The following CALN1 variants were observed in gnomAD, a reference collection of about 807,000 sequenced individuals.
CALN1 encodes the protein calneuron 1.
CALN1 carries 17 observed loss-of-function variants against 30.6 expected under a neutral mutation model. That is an observed-to-expected ratio of 0.56 (90% confidence interval 0.38 to 0.83). The LOEUF is 0.83. Ranked by LOEUF, CALN1 falls within the 40% of genes least tolerant of loss-of-function variation. CALN1 has a pLI of 0.00. For missense variants in CALN1, 291 were observed against 354.9 expected, an observed-to-expected ratio of 0.82 and a Z score of 1.45; for synonymous variants, 156 against 131.4, an observed-to-expected ratio of 1.19 and a Z score of -1.28.
At position 71,784,757 on chromosome 7, in the gene CALN1, T is replaced by C. The variant is rs1481328939; in HGVS notation, c.*3018A>G. On this transcript the variant is annotated 3_prime_UTR_variant, in exon 7 of 7. Transcript: ENST00000395275. ...TGGTTCCTAAGTCCGGAGGACAGAA[T>C]GAGGGGTGAGCTATTCCCTCTCAAT... is the stretch of plus-strand genomic sequence containing the variant. 2 of 398,584 alleles carry C rather than the reference T, an allele frequency of 5.0e-6. No homozygotes were observed. The highest frequency in any genetic ancestry group is 4.1e-5 in the African/African-American group (2 of 48,714). 24.7% of individuals were successfully genotyped at this position (398,584 alleles called of 1,614,324 possible). A position where few individuals can be genotyped will look rare whatever the true frequency, so the allele number is the denominator to read the frequency against.
chr7:72,211,835 T>G (rs1792419075), intron 3 of CALN1, among the ~76,000 whole-genome samples: 1 of 152,138 alleles, frequency 6.6e-6, no homozygotes, highest in Non-Finnish European at 1.5e-5. Flanking sequence ...AGCCAGTTTC[T>G]ACATCTCTCA....
chr7:72,389,876 G>A (rs956722871), intron 2 of CALN1, among the ~76,000 whole-genome samples: 1 of 150,620 alleles, frequency 6.6e-6, no homozygotes, highest in Admixed American at 6.6e-5. Context: ...CCAAGATCAC[G>A]CCATTGCAGC....
In CALN1 at chr7:72,401,834, G is replaced by C. The variant is rs371862958; in HGVS notation, c.119+1417C>G. ...CTTTCCTCCGTCACACCAGCTTTCT[G>C]TAAGGCAGCCCTCCTAGGACTTACC... On this transcript the variant is annotated intron_variant, in intron 2 of 6. Coordinates refer to ENST00000395275, the MANE Select transcript of CALN1 (RefSeq NM_031468.4). Among the ~76,000 whole-genome samples, 9 of 152,330 alleles carry C rather than the reference G, an allele frequency of 5.9e-5. No homozygotes were observed. In the East Asian group the frequency reaches 7.7e-4, roughly 13 times the overall value.
At chr7:72,399,166 G>A (rs1457968019) in intron 2 of CALN1, among the ~76,000 whole-genome samples, 2 of 152,114 alleles carry the variant, frequency 1.3e-5, no homozygotes, top group South Asian at 4.2e-4. Context: ...CTGCAGTAAC[G>A]TAGGCTGACA....
At chr7:72,138,686 A>C (rs1392402156) in intron 3 of CALN1, among the ~76,000 whole-genome samples, 2 of 152,232 alleles carry the variant, frequency 1.3e-5, no homozygotes, top group African/African-American at 4.8e-5. Flanking sequence ...TACGGGAAGA[A>C]AAGCCATTTC....
chr7:72,137,346 T>C (rs1350166454), intron 3 of CALN1, among the ~76,000 whole-genome samples: 1 of 152,152 alleles, frequency 6.6e-6, no homozygotes, highest in Admixed American at 6.6e-5. Flanking sequence ...TTGTTCAAGA[T>C]GGCGATGCTC....
chr7:71,898,175 C>T (rs1793654987), intron 5 of CALN1, among the ~76,000 whole-genome samples: 1 of 151,676 alleles, frequency 6.6e-6, no homozygotes, highest in Admixed American at 6.6e-5. Context: ...ACTAAAAATA[C>T]AAAAATTAGC....
At chr7:72,477,349 C>A in the CALN1 span, among the ~76,000 whole-genome samples, 2 of 152,206 alleles carry the variant, frequency 1.3e-5, no homozygotes, top group Non-Finnish European at 2.9e-5. Context: ...GCATGTGAGG[C>A]CCCAGTACAC....
At chr7:72,182,134 G>T (rs1264325660) in intron 3 of CALN1, among the ~76,000 whole-genome samples, 1 of 152,170 alleles carries the variant, frequency 6.6e-6, no homozygotes, top group Non-Finnish European at 1.5e-5. Flanking sequence ...GAGATTCAAG[G>T]TGAGCCCTAG....
At chr7:71,896,760 A>G (rs1793554203) in intron 5 of CALN1, among the ~76,000 whole-genome samples, 1 of 152,154 alleles carries the variant, frequency 6.6e-6, no homozygotes, top group Admixed American at 6.5e-5. Flanking sequence ...TGAGGCAGCC[A>G]GAGAGCTCTT....
chr7:71,938,515 G>C (rs2129521837), intron 5 of CALN1, among the ~76,000 whole-genome samples: 1 of 152,178 alleles, frequency 6.6e-6, no homozygotes, highest in Non-Finnish European at 1.5e-5. Flanking sequence ...ACGTACACAG[G>C]GCCGGGCACG....
In CALN1 at chr7:72,307,421, G is replaced by A. The variant is rs1049917736; in HGVS notation, c.120-28611C>T. On this transcript the variant is annotated intron_variant, in intron 2 of 6. Coordinates refer to ENST00000395275, the MANE Select transcript of CALN1 (RefSeq NM_031468.4). ...TAAAACTGAGGGCACACCCTACGAA[G>A]GCTGAAGCCCGTCTGGCCGCAAGAG... Among the ~76,000 whole-genome samples the A allele has an allele frequency of 7.2e-5, 11 of 152,260 alleles. No individual in the cohort carries two copies. The East Asian group carries it at 1.9e-3, about 27-fold the overall frequency.
chr7:72,227,048 GA>G (rs1196069341), intron 3 of CALN1, among the ~76,000 whole-genome samples: 1 of 151,328 alleles, frequency 6.6e-6, no homozygotes, highest in Non-Finnish European at 1.5e-5. Flanking sequence ...AAACAAGACA[GA>G]AAAGTAAAGA....
rs1794838017 is a variant in CALN1 at position 71,919,623 on chromosome 7, C to T, written c.501+104034G>A. Among the ~76,000 whole-genome samples, 6 of 152,244 alleles carry T rather than the reference C, an allele frequency of 3.9e-5. No homozygotes were observed. In the South Asian group the frequency reaches 1.2e-3, roughly 32 times the overall value. On this transcript the variant is annotated intron_variant, in intron 5 of 6. Coordinates refer to ENST00000395275, the MANE Select transcript of CALN1 (RefSeq NM_031468.4). ...CTGTGAGTATGGAAAAGCTGGGGCC[C>T]AAACTGGCCTAAGGGAGTCAGGGGA...
At chr7:72,072,360 T>C (rs966905595) in intron 4 of CALN1, among the ~76,000 whole-genome samples, 5 of 152,304 alleles carry the variant, frequency 3.3e-5, no homozygotes, top group Non-Finnish European at 4.4e-5. Context: ...TGGGCTGATA[T>C]AGCCAATGTG....
At chr7:72,010,418 G>A (rs60274443) in intron 5 of CALN1, among the ~76,000 whole-genome samples, 1 of 152,120 alleles carries the variant, frequency 6.6e-6, no homozygotes, top group East Asian at 1.9e-4. Flanking sequence ...AAACCACCTA[G>A]ACTCTTGCTA....
intron 6 of CALN1, among the ~76,000 whole-genome samples, chr7:71,788,488 G>T (rs71551221): frequency 0.09 from 10,764 of 120,166 alleles, 1,069 homozygotes; most frequent in East Asian, 0.28. Flanking sequence ...GTTTTTTTTT[G>T]TTGTTTTTTT....
chr7:72,347,025 A>T (rs1585552144), intron 2 of CALN1, among the ~76,000 whole-genome samples: 1 of 152,280 alleles, frequency 6.6e-6, no homozygotes, highest in East Asian at 1.9e-4. Flanking sequence ...ATTAGAGCAC[A>T]GCGAATTGTC....
At chr7:72,281,952 A>C (rs891881400) in intron 2 of CALN1, among the ~76,000 whole-genome samples, 5 of 152,208 alleles carry the variant, frequency 3.3e-5, no homozygotes, top group Non-Finnish European at 5.9e-5. Context: ...AAAAAAAGGC[A>C]GCTTACAAAA....
Sources: gnomAD v4.1 joint callset for allele counts (sites outside exome capture counted in the v4.1 genomes callset) on GRCh38, gnomAD v4.1.1 for gene constraint, MANE v1.5 for transcripts, NCBI Gene and HGNC (gene_info 2026-07-23, HGNC 2026-07-21) for gene names.